The following ZNF665 variants were observed in gnomAD, a reference collection of about 807,000 sequenced individuals.
ZNF665 encodes zinc finger protein 665.
A neutral mutation model predicts 7.9 loss-of-function variants in ZNF665; 6 were observed. That is an observed-to-expected ratio of 0.76 (90% CI 0.42 to 1.50). The LOEUF (loss-of-function observed/expected upper bound fraction) is 1.50, where lower values mean the gene tolerates loss of function less well. Ranked by LOEUF, ZNF665 falls within the 40% of genes most tolerant of loss-of-function variation. The pLI, the probability that ZNF665 is intolerant of heterozygous loss-of-function variation, is 0.01. For synonymous variants in ZNF665, 242 were observed against 274.5 expected (o/e 0.88, Z 1.17); for missense variants, 819 against 806.7 (o/e 1.02, Z -0.18).
At chr19:53,183,828 G>C (rs1001734678) in intron 1 of ZNF665, among the ~76,000 whole-genome samples, 2 of 152,196 alleles carry the variant, frequency 1.3e-5, no homozygotes, top group African/African-American at 4.8e-5. Flanking sequence ...CCCCGGAAAA[G>C]GAAAGGGGCC....
intron 3 of ZNF665, among the ~76,000 whole-genome samples, chr19:53,168,756 C>A (rs964269003): frequency 1.3e-5 from 2 of 152,006 alleles, no homozygotes; most frequent in Non-Finnish European, 2.9e-5. Flanking sequence ...TCAAATAGAT[C>A]AATGGAATGA....
intron 3 of ZNF665, 69 bp from the exon 4 acceptor site, chr19:53,166,416 A>C: frequency 7.4e-7 from 1 of 1,352,254 alleles, no homozygotes. Context: ...CCCATTGAAA[A>C]ACCTAATGTT....
At chr19:53,168,410 T>C (rs928079944) in intron 3 of ZNF665, among the ~76,000 whole-genome samples, 1 of 152,142 alleles carries the variant, frequency 6.6e-6, no homozygotes, top group Non-Finnish European at 1.5e-5. Flanking sequence ...GAAGAACCTA[T>C]ACACTAAAAA....
At position 53,164,559 on chromosome 19, in the gene ZNF665, T is replaced by A. The variant is rs768912696; in HGVS notation, c.1931A>T (p.His644Leu). 2 of 1,614,156 alleles carry A rather than the reference T, an allele frequency of 1.2e-6. No individual in the cohort carries two copies. The highest frequency in any genetic ancestry group is 1.6e-4 in the Middle Eastern group (1 of 6,062). The change falls in exon 4 of 4, where the codon CAT becomes CTT. Residue 644 changes from histidine to leucine, a missense_variant. Physicochemically the swap from His to Leu is moderately conservative, Grantham distance 99 (BLOSUM62 -3). Transcript: ENST00000396424. The part of the protein sequence containing the change: ...AFSVRSTLTT[H>L]MAVHTGDKPY... ...TTTGTCTCCAGTATGGACTGCCATATGGGTAGTTAGGGTTGAACGAACACT... is the reference window on the plus strand; with the variant it reads ...TTTGTCTCCAGTATGGACTGCCATAAGGGTAGTTAGGGTTGAACGAACACT...
chr19:53,192,714 G>A (rs1175093785), intron 1 of ZNF665, among the ~76,000 whole-genome samples: 5 of 152,144 alleles, frequency 3.3e-5, no homozygotes, highest in African/African-American at 7.2e-5. Context: ...GATCCTGGAG[G>A]AGCACATTTT....
chr19:53,180,411 CA>C (rs1386374160), intron 2 of ZNF665, among the ~76,000 whole-genome samples: 3 of 144,388 alleles, frequency 2.1e-5, no homozygotes, highest in Non-Finnish European at 4.5e-5. Context: ...CCAGCCTGGG[CA>C]AAAGAGTGAA....
chr19:53,189,770 C>T (rs200755659), intron 1 of ZNF665, among the ~76,000 whole-genome samples: 34 of 150,434 alleles, frequency 2.3e-4, no homozygotes, highest in Non-Finnish European at 2.8e-4. Flanking sequence ...CTAAACTCCC[C>T]CGGGGAAAGG....
chr19:53,172,920 G>A (rs947547380), intron 3 of ZNF665, among the ~76,000 whole-genome samples: 41 of 151,188 alleles, frequency 2.7e-4, no homozygotes, highest in African/African-American at 8.7e-4. Flanking sequence ...GAGTAGTTTC[G>A]ATTTCTCACA....
intron 3 of ZNF665, among the ~76,000 whole-genome samples, chr19:53,172,989 G>A (rs1370649254): frequency 1.3e-5 from 2 of 152,002 alleles, no homozygotes; most frequent in Non-Finnish European, 2.9e-5. Flanking sequence ...CTCACAATCC[G>A]TAGGTTGTCT....
At chr19:53,190,424 A>T (rs1387790790) in intron 1 of ZNF665, 1 of 152,150 alleles carries the variant, frequency 6.6e-6, no homozygotes, top group East Asian at 1.9e-4. Context: ...TCCCACAATG[A>T]CCAGTTCTGC....
At chr19:53,167,523 T>C (rs989249677) in intron 3 of ZNF665, among the ~76,000 whole-genome samples, 11 of 149,336 alleles carry the variant, frequency 7.4e-5, no homozygotes, top group Admixed American at 6.0e-4. Context: ...CTCGGCTCAC[T>C]GCAAGCTCCG....
chr19:53,165,021 T>A lies in ZNF665; in HGVS notation c.1469A>T (p.Glu490Val), dbSNP rs762164091. 2 of 1,614,120 alleles carry A rather than the reference T, an allele frequency of 1.2e-6. No homozygotes were observed. Among genetic ancestry groups the A allele is most frequent in the Non-Finnish European group, 1.7e-6 (2 of 1,179,996 alleles). Residue 490 changes from glutamate to valine, a missense_variant, in exon 4 of 4, where the codon GAA (glutamate) becomes GTA (valine). By Grantham distance (121) the Glu-to-Val change is moderately radical (BLOSUM62 -2). Transcript: ENST00000396424. Reference sequence around the variant, plus strand: ...TGTTTGACTGAAGGCTTTACCACATTCATCACACTTGTAAGGTTTCTCTCC... The same window carrying A: ...TGTTTGACTGAAGGCTTTACCACATACATCACACTTGTAAGGTTTCTCTCC... The part of the protein sequence containing the change: ...HSGEKPYKCD[E>V]CGKAFSQTSQ...
chr19:53,184,779 G>A (rs933684909), intron 1 of ZNF665, among the ~76,000 whole-genome samples: 11 of 151,812 alleles, frequency 7.2e-5, no homozygotes, highest in South Asian at 2.1e-4. Context: ...TAGTGGCCCC[G>A]AATGCCAGGC....
intron 1 of ZNF665, among the ~76,000 whole-genome samples, chr19:53,184,804 T>C (rs1274450276): frequency 6.8e-6 from 1 of 147,088 alleles, no homozygotes; most frequent in Non-Finnish European, 1.5e-5. Context: ...CTGATATTTA[T>C]TGGATACAAG....
At chr19:53,167,605 C>A (rs1327477340) in intron 3 of ZNF665, among the ~76,000 whole-genome samples, 1 of 150,588 alleles carries the variant, frequency 6.6e-6, no homozygotes. Context: ...CGCCACCGCG[C>A]CCGGCTAATT....
chr19:53,183,230 G>A (rs1004913524), intron 1 of ZNF665, among the ~76,000 whole-genome samples: 22 of 152,144 alleles, frequency 1.4e-4, no homozygotes, highest in African/African-American at 5.3e-4. Context: ...GGGCTGGAAT[G>A]AGCTTCTGTT....
At chr19:53,176,677 T>G (rs2090700766) in intron 2 of ZNF665, among the ~76,000 whole-genome samples, 1 of 152,176 alleles carries the variant, frequency 6.6e-6, no homozygotes, top group African/African-American at 2.4e-5. Flanking sequence ...CTGTGGGATG[T>G]GATGCCATAT....
At chr19:53,169,130 C>T (rs546787289) in intron 3 of ZNF665, among the ~76,000 whole-genome samples, 188 of 152,070 alleles carry the variant, frequency 1.2e-3, no homozygotes, top group South Asian at 2.3e-3. Flanking sequence ...AATGAAGACT[C>T]GGACTGAGGG....
At chr19:53,184,274 T>C (rs2090760498) in intron 1 of ZNF665, among the ~76,000 whole-genome samples, 1 of 152,056 alleles carries the variant, frequency 6.6e-6, no homozygotes, top group Non-Finnish European at 1.5e-5. Context: ...GAAGAAATAA[T>C]AAATAATTTT....
Sources: gnomAD v4.1 joint callset for allele counts (sites outside exome capture counted in the v4.1 genomes callset) on GRCh38, gnomAD v4.1.1 for gene constraint, MANE v1.5 for transcripts, NCBI Gene and HGNC (gene_info 2026-07-23, HGNC 2026-07-21) for gene names.